Variants in GALNT10 observed in about 807,000 individuals in gnomAD.
The protein encoded by GALNT10 is polypeptide N-acetylgalactosaminyltransferase 10.
A neutral mutation model predicts 75.0 loss-of-function variants in GALNT10; 41 were observed. The observed-to-expected ratio is 0.55, with a 90% CI of 0.43 to 0.71. GALNT10 has a LOEUF of 0.71. Among genes scored for constraint, GALNT10 ranks in the 30% least tolerant of loss-of-function variants. The probability of loss-of-function intolerance (pLI) is 0.00; values close to 1 mark genes in which losing one functional copy is unlikely to be tolerated. For synonymous variants in GALNT10, 302 were observed against 313.0 expected, an observed-to-expected ratio of 0.96 and a Z score of 0.37; for missense variants, 727 against 818.5, an observed-to-expected ratio of 0.89 and a Z score of 1.36.
intron 1 of GALNT10, among the ~76,000 whole-genome samples, chr5:154,227,442 T>A (rs1753081184): frequency 6.6e-6 from 1 of 152,264 alleles, no homozygotes; most frequent in African/African-American, 2.4e-5. Flanking sequence ...CTTATTTCCC[T>A]CTGTACATCT....
At chr5:154,210,389 C>CACACAA (rs970121827) in intron 1 of GALNT10, among the ~76,000 whole-genome samples, 3 of 147,512 alleles carry the variant, frequency 2.0e-5, no homozygotes, top group Non-Finnish European at 4.5e-5. Context: ...CATGCATACA[C>CACACAA]ACACACACAC....
In GALNT10 at chr5:154,420,460, G is replaced by A. The variant is rs1756606372; in HGVS notation, c.*3488G>A. 1 of 152,198 alleles carries A rather than the reference G, an allele frequency of 6.6e-6. No individual in the cohort carries two copies. Among genetic ancestry groups the A allele is most frequent in the Non-Finnish European group, 1.5e-5 (1 of 68,046 alleles). 9.4% of individuals were successfully genotyped at this position (152,198 alleles called of 1,614,324 possible). On this transcript the variant is annotated 3_prime_UTR_variant, in exon 12 of 12. Coordinates refer to ENST00000297107, the MANE Select transcript of GALNT10 (RefSeq NM_198321.4). ...GAGGAATCAGAGTCTCTGCTTCAGC[G>A]ATATCTAGTTTGTACAGTTGGGTGA...
At position 154,327,796 on chromosome 5, in the gene GALNT10, T is replaced by G. The variant is rs531441378; in HGVS notation, c.402-1776T>G. On this transcript the variant is annotated intron_variant, in intron 3 of 11. Coordinates refer to ENST00000297107, the MANE Select transcript of GALNT10 (RefSeq NM_198321.4). ...ATTAGAATGTAATCGTTTTTCAAACTCCTGATGAAATAAAATATTTAGGCA... is the reference window on the plus strand; with the variant it reads ...ATTAGAATGTAATCGTTTTTCAAACGCCTGATGAAATAAAATATTTAGGCA... Among the ~76,000 whole-genome samples, 262 of 152,330 alleles carry G rather than the reference T, an allele frequency of 1.7e-3. 1 individual carries two copies. Among genetic ancestry groups the G allele is most frequent in the African/African-American group, 4.2e-3 (176 of 41,588 alleles).
At chr5:154,214,211 A>G (rs1484218655) in intron 1 of GALNT10, among the ~76,000 whole-genome samples, 2 of 152,134 alleles carry the variant, frequency 1.3e-5, no homozygotes, top group Non-Finnish European at 2.9e-5. Context: ...GAGGACCAAA[A>G]CAGCCTCCAA....
rs533613375 is a variant in GALNT10 at position 154,200,116 on chromosome 5, C to T, written c.159+9091C>T. On this transcript the variant is annotated intron_variant, in intron 1 of 11. Coordinates refer to ENST00000297107, the MANE Select transcript of GALNT10 (RefSeq NM_198321.4). Reference sequence around the variant, plus strand: ...GTCTGCCCCTGCTCACAGGGACTTGCGGAGGCCTCAGTGGGAGGTTATCAC... The same window carrying T: ...GTCTGCCCCTGCTCACAGGGACTTGTGGAGGCCTCAGTGGGAGGTTATCAC... 4.3e-4 allele frequency among the ~76,000 whole-genome samples: 66 copies of T among 152,228 alleles called. 1 individual carries two copies. The South Asian group carries it at 0.012, about 28-fold the overall frequency.
chr5:154,221,615 A>G (rs1351213264), intron 1 of GALNT10, among the ~76,000 whole-genome samples: 1 of 87,546 alleles, frequency 1.1e-5, no homozygotes, highest in African/African-American at 3.5e-5. Context: ...CACAGTGAAC[A>G]CAGGAAAAGG....
At chr5:154,253,167 A>G (rs1753554194) in intron 1 of GALNT10, among the ~76,000 whole-genome samples, 1 of 151,878 alleles carries the variant, frequency 6.6e-6, no homozygotes, top group Non-Finnish European at 1.5e-5. Flanking sequence ...TTTTGAAAAC[A>G]TAGGTTGCAG....
At chr5:154,239,988 A>G (rs1270748714) in intron 1 of GALNT10, among the ~76,000 whole-genome samples, 2 of 152,232 alleles carry the variant, frequency 1.3e-5, no homozygotes, top group Non-Finnish European at 2.9e-5. Context: ...AAGAAGAGAC[A>G]TTTGGGACTT....
chr5:154,373,194 AG>A (rs749882398), intron 4 of GALNT10, among the ~76,000 whole-genome samples: 1 of 152,200 alleles, frequency 6.6e-6, no homozygotes, highest in Non-Finnish European at 1.5e-5. Flanking sequence ...ACTTTGGTGA[AG>A]GCAGGTTGTC....
chr5:154,290,160 C>T (rs183370038), intron 1 of GALNT10, among the ~76,000 whole-genome samples: 6 of 149,754 alleles, frequency 4.0e-5, no homozygotes, highest in East Asian at 3.9e-4. Flanking sequence ...TGCACAATCG[C>T]GGCTCACCAC....
intron 4 of GALNT10, among the ~76,000 whole-genome samples, chr5:154,337,246 G>A (rs1380952294): frequency 3.9e-5 from 6 of 152,146 alleles, no homozygotes; most frequent in Non-Finnish European, 7.3e-5. Flanking sequence ...ACTTTCCACA[G>A]AACAGGGACT....
At chr5:154,300,353 G>A (rs191049296) in intron 3 of GALNT10, among the ~76,000 whole-genome samples, 5 of 152,236 alleles carry the variant, frequency 3.3e-5, no homozygotes, top group African/African-American at 7.2e-5. Flanking sequence ...CCGCAGCTGC[G>A]GTTCTTGTGG....
intron 3 of GALNT10, among the ~76,000 whole-genome samples, chr5:154,328,100 G>A (rs1754783950): frequency 6.6e-6 from 1 of 152,042 alleles, no homozygotes; most frequent in Admixed American, 6.6e-5. Context: ...AAAAAGGAGG[G>A]CAGAAGCTTA....
At chr5:154,342,152 C>T (rs972080797) in intron 4 of GALNT10, among the ~76,000 whole-genome samples, 15 of 152,052 alleles carry the variant, frequency 9.9e-5, no homozygotes, top group East Asian at 3.9e-4. Flanking sequence ...TGAAATGCTG[C>T]GCTACCCTGT....
intron 1 of GALNT10, among the ~76,000 whole-genome samples, chr5:154,228,581 G>A (rs963877948): frequency 2.6e-5 from 4 of 152,200 alleles, no homozygotes; most frequent in Non-Finnish European, 4.4e-5. Context: ...AAACCTGTAC[G>A]AGAGCTGGCA....
intron 1 of GALNT10, among the ~76,000 whole-genome samples, chr5:154,287,733 T>C (rs962481446): frequency 6.6e-6 from 1 of 152,178 alleles, no homozygotes; most frequent in Non-Finnish European, 1.5e-5. Context: ...TTTGGATGAA[T>C]GAATTAATAA....
intron 1 of GALNT10, among the ~76,000 whole-genome samples, chr5:154,229,555 C>G (rs1323982586): frequency 6.6e-6 from 1 of 151,666 alleles, no homozygotes; most frequent in African/African-American, 2.4e-5. Context: ...GGTGAAACCC[C>G]ATCTCTACTA....
chr5:154,263,062 T>C (rs528478821), intron 1 of GALNT10, among the ~76,000 whole-genome samples: 3 of 152,330 alleles, frequency 2.0e-5, no homozygotes, highest in East Asian at 1.9e-4. Flanking sequence ...CTATAAGTGA[T>C]GTAGCCACTT....
intron 3 of GALNT10, among the ~76,000 whole-genome samples, chr5:154,318,491 A>G (rs1232060016): frequency 6.6e-6 from 1 of 152,146 alleles, no homozygotes; most frequent in Non-Finnish European, 1.5e-5. Flanking sequence ...TCTGGACTTC[A>G]TTCCTTGCCA....
Sources: gnomAD v4.1 joint callset for allele counts (sites outside exome capture counted in the v4.1 genomes callset) on GRCh38, gnomAD v4.1.1 for gene constraint, MANE v1.5 for transcripts, NCBI Gene and HGNC (gene_info 2026-07-23, HGNC 2026-07-21) for gene names.